The following RNFT2 variants were observed in gnomAD, a reference collection of about 807,000 sequenced individuals.
The protein encoded by RNFT2 is E3 ubiquitin-protein ligase RNFT2.
Under a neutral mutation model 53.0 loss-of-function variants are expected in RNFT2, and 36 were observed. That is an observed-to-expected ratio of 0.68 (90% CI 0.52 to 0.90). The LOEUF (loss-of-function observed/expected upper bound fraction) is 0.90, where lower values mean the gene tolerates loss of function less well. Ranked by LOEUF, RNFT2 falls within the 40% of genes least tolerant of loss-of-function variation. The pLI is 0.00. For missense variants in RNFT2, 514 were observed against 585.6 expected (o/e 0.88, Z 1.26); for synonymous variants, 260 against 253.2 (o/e 1.03, Z -0.26).
At chr12:116,750,385 T>C in intron 4 of RNFT2, 78 bp downstream of exon 4, 1 of 1,374,568 alleles carries the variant, frequency 7.3e-7, no homozygotes, top group Non-Finnish European at 1.0e-6. Context: ...TGGGGGCTCC[T>C]CCTCTGAAGC....
At chr12:116,803,843 A>G (rs1042672757) in intron 7 of RNFT2, among the ~76,000 whole-genome samples, 3 of 152,216 alleles carry the variant, frequency 2.0e-5, no homozygotes, top group African/African-American at 7.2e-5. Flanking sequence ...GAGGGAAGGG[A>G]AACTGGAGAA....
chr12:116,829,585 A>G (rs1449680261), intron 7 of RNFT2, among the ~76,000 whole-genome samples: 2 of 152,196 alleles, frequency 1.3e-5, no homozygotes, highest in Non-Finnish European at 2.9e-5. Context: ...TCTGAGTGAC[A>G]TGTGCCCAGC....
intron 5 of RNFT2, among the ~76,000 whole-genome samples, chr12:116,764,411 T>C (rs538748714): frequency 2.2e-4 from 34 of 152,270 alleles, no homozygotes; most frequent in African/African-American, 7.9e-4. Flanking sequence ...AATCACCAGC[T>C]TCACTGACCC....
chr12:116,745,995 G>C (rs1226740993), intron 3 of RNFT2, among the ~76,000 whole-genome samples: 1 of 152,122 alleles, frequency 6.6e-6, no homozygotes, highest in Non-Finnish European at 1.5e-5. Context: ...CCAGCACTTT[G>C]GGAGGCCAAG....
rs1876956507 is a variant in RNFT2, at chr12:116,836,172, C to T, written c.1099-9C>T. ...CCATAGCTGTATTTGCTTCTCCCCT[C>T]CCTCAAAGAACTATGGAGTCCGAGC... On this transcript the variant is annotated splice_polypyrimidine_tract_variant and intron_variant, in intron 9 of 10. Transcript: ENST00000257575. 6.3e-7 allele frequency: 1 copy of T among 1,593,364 alleles called. No homozygotes were observed. The highest frequency in any genetic ancestry group is 1.3e-5 in the African/African-American group (1 of 74,612).
At chr12:116,848,802 T>G (rs1176019084) in intron 10 of RNFT2, among the ~76,000 whole-genome samples, 2 of 147,378 alleles carry the variant, frequency 1.4e-5, no homozygotes, top group Admixed American at 1.4e-4. Flanking sequence ...TTCTCCCTCC[T>G]GCTTTTTGTT....
intron 3 of RNFT2, among the ~76,000 whole-genome samples, chr12:116,748,223 C>A (rs536208920): frequency 3.0e-4 from 45 of 152,052 alleles, no homozygotes; most frequent in African/African-American, 9.9e-4. Context: ...GAGGATGAAC[C>A]CGAGAATAGA....
intron 10 of RNFT2, among the ~76,000 whole-genome samples, chr12:116,845,287 AG>A (rs1877557171): frequency 6.8e-6 from 1 of 147,194 alleles, no homozygotes; most frequent in African/African-American, 2.6e-5. Flanking sequence ...AGAGAGAGAG[AG>A]AGAGAGAGCT....
In RNFT2 at chr12:116,852,454, C is replaced by G. The variant is rs1877974574; in HGVS notation, c.*3006C>G. The G allele has an allele frequency of 2.8e-6, 4 of 1,426,660 alleles. No homozygotes were observed. The highest frequency in any genetic ancestry group is 3.0e-5 in the South Asian group (2 of 67,604). The allele number at this position is 1,426,660 out of a possible 1,614,324, so 88.4% of individuals were successfully genotyped here. ...TGTTCCAGGGCAGTGTAGCATCTTT[C>G]AAGCTCCGTTACTATGGCGATGGCC... On this transcript the variant is annotated 3_prime_UTR_variant, in exon 11 of 11. Coordinates refer to ENST00000257575, the MANE Select transcript of RNFT2 (RefSeq NM_001382266.1).
intron 7 of RNFT2, among the ~76,000 whole-genome samples, chr12:116,797,893 G>A (rs118025463): frequency 0.019 from 2,920 of 152,284 alleles, 51 homozygotes; most frequent in Middle Eastern, 0.034. Context: ...CTGGGTGATG[G>A]TCATGGAAAG....
At chr12:116,762,117 G>C (rs1051362776) in intron 5 of RNFT2, among the ~76,000 whole-genome samples, 2 of 151,448 alleles carry the variant, frequency 1.3e-5, no homozygotes, top group Non-Finnish European at 2.9e-5. Flanking sequence ...TGTGGCTCAT[G>C]CATGCAATCC....
intron 7 of RNFT2, among the ~76,000 whole-genome samples, chr12:116,812,487 C>T (rs1288901062): frequency 7.3e-5 from 11 of 151,408 alleles, no homozygotes; most frequent in Admixed American, 3.3e-4. Flanking sequence ...CAGGAGGTGG[C>T]GGGGAGATCT....
rs558516768 is a variant in RNFT2, at chr12:116,846,567, G to A, written c.1201-2747G>A. Among the ~76,000 whole-genome samples the A allele has an allele frequency of 4.0e-5, 6 of 151,810 alleles. No individual in the cohort carries two copies. The East Asian group carries it at 9.7e-4, about 25-fold the overall frequency. ...CGCCTCCCAAAGTGCTGGGGTTATA[G>A]GCATGAGCCACTGTGCCCAGTTTCT... On this transcript the variant is annotated intron_variant, in intron 10 of 10. Coordinates refer to ENST00000257575, the MANE Select transcript of RNFT2 (RefSeq NM_001382266.1).
At chr12:116,778,407 T>C (rs1873533853) in intron 6 of RNFT2, among the ~76,000 whole-genome samples, 1 of 152,132 alleles carries the variant, frequency 6.6e-6, no homozygotes, top group Non-Finnish European at 1.5e-5. Context: ...TGAGGGTGGG[T>C]TCTTATAAAG....
At position 116,836,049 on chromosome 12, in the gene RNFT2, C is replaced by T. The variant is rs763571043; in HGVS notation, c.1098+24C>T. ...AGGTGAGTTGGCTTCAGGTGGTCCC[C>T]ACCAGGGTCCTGAGAATCAGGAACT... is the stretch of plus-strand genomic sequence containing the variant. On this transcript the variant is annotated intron_variant, in intron 9 of 10. Coordinates refer to ENST00000257575, the MANE Select transcript of RNFT2 (RefSeq NM_001382266.1). 80 of 1,613,516 alleles carry T rather than the reference C, an allele frequency of 5.0e-5. 1 individual carries two copies. In the South Asian group the frequency reaches 7.8e-4, roughly 16 times the overall value.
chr12:116,766,749 G>A (rs1000133916), intron 5 of RNFT2, 65 bp from the exon 6 acceptor site: 1 of 1,231,552 alleles, frequency 8.1e-7, no homozygotes, highest in African/African-American at 1.5e-5. Context: ...CAGTCATCAG[G>A]GTACATTCTG....
intron 6 of RNFT2, among the ~76,000 whole-genome samples, chr12:116,767,260 C>A (rs1173628477): frequency 2.6e-5 from 4 of 152,066 alleles, no homozygotes; most frequent in Non-Finnish European, 5.9e-5. Context: ...CTCACTGCAT[C>A]ACCCAGGCTG....
intron 6 of RNFT2, among the ~76,000 whole-genome samples, chr12:116,772,452 A>T (rs977298312): frequency 3.9e-5 from 6 of 152,206 alleles, no homozygotes; most frequent in African/African-American, 1.4e-4. Context: ...AATTACAGGC[A>T]TGTGCCACCA....
At chr12:116,800,987 C>T (rs893304507) in intron 7 of RNFT2, 4 of 152,118 alleles carry the variant, frequency 2.6e-5, no homozygotes, top group Non-Finnish European at 5.9e-5. Flanking sequence ...ACAGCTGATA[C>T]GTCTAGGATT....
Sources: allele counts gnomAD v4.1 joint callset (sites outside exome capture counted in the v4.1 genomes callset), GRCh38; gene constraint gnomAD v4.1.1; transcripts MANE v1.5; gene names NCBI Gene and HGNC (gene_info 2026-07-23, HGNC 2026-07-21).